ANK3: variants seen among roughly 807,000 people sequenced by gnomAD.
ANK3 encodes the protein ankyrin-3.
In ANK3, 57 loss-of-function variants were observed where a neutral mutation model predicts 370.9. The ratio of observed to expected loss-of-function variants is 0.15; its 90% CI spans 0.12 to 0.19. The LOEUF is 0.19. Among genes scored for constraint, ANK3 ranks in the 10% least tolerant of loss-of-function variants. The probability of loss-of-function intolerance (pLI) is 1.00; values close to 1 mark genes in which losing one functional copy is unlikely to be tolerated. For missense variants in ANK3, 4,439 were observed against 5,302.1 expected, an observed-to-expected ratio of 0.84 and a Z score of 5.06; for synonymous variants, 1,929 against 1,946.3, an observed-to-expected ratio of 0.99 and a Z score of 0.23.
intron 4 of ANK3, among the ~76,000 whole-genome samples, chr10:60,278,129 C>T (rs2098116455): frequency 6.6e-6 from 1 of 152,086 alleles, no homozygotes; most frequent in Non-Finnish European, 1.5e-5. Context: ...ATAGGAGGAC[C>T]TATGTTCATT....
intron 18 of ANK3, among the ~76,000 whole-genome samples, chr10:60,180,153 CT>C (rs763051938): frequency 3.2e-4 from 48 of 152,258 alleles, no homozygotes; most frequent in Non-Finnish European, 6.2e-4. Context: ...TGTCAATACC[CT>C]TTTATCTGGC....
intron 1 of ANK3, among the ~76,000 whole-genome samples, chr10:60,306,125 G>A (rs560620992): frequency 6.6e-6 from 1 of 152,018 alleles, no homozygotes; most frequent in South Asian, 2.1e-4. Context: ...CTATTTAGAG[G>A]TGGTTTCTGA....
At chr10:60,067,067 G>A (rs1000215668) in intron 38 of ANK3, among the ~76,000 whole-genome samples, 1 of 152,064 alleles carries the variant, frequency 6.6e-6, no homozygotes, top group South Asian at 2.1e-4. Flanking sequence ...CGACAGGCAT[G>A]CACCACCACA....
intron 1 of ANK3, among the ~76,000 whole-genome samples, chr10:60,321,685 C>T (rs2048700716): frequency 6.6e-6 from 1 of 152,164 alleles, no homozygotes; most frequent in South Asian, 2.1e-4. Flanking sequence ...TATAACTTTG[C>T]CCATGGTCAC....
intron 1 of ANK3, among the ~76,000 whole-genome samples, chr10:60,322,646 G>T (rs1351049023): frequency 2.0e-5 from 3 of 151,990 alleles, no homozygotes; most frequent in South Asian, 2.1e-4. Flanking sequence ...AGATTTTTTT[G>T]TGTGTTTAAT....
At chr10:60,518,088 G>A (rs1260941815) in intron 2 of ANK3, among the ~76,000 whole-genome samples, 4 of 152,080 alleles carry the variant, frequency 2.6e-5, no homozygotes, top group East Asian at 1.9e-4. Flanking sequence ...GCCAAAATAC[G>A]TTAGCACCAC....
At chr10:60,594,637 A>T (rs541444508) in intron 2 of ANK3, among the ~76,000 whole-genome samples, 44 of 152,270 alleles carry the variant, frequency 2.9e-4, no homozygotes, top group Middle Eastern at 3.4e-3. Flanking sequence ...ATGTGAAAAA[A>T]ATATATATAA....
At chr10:60,524,479 T>A (rs914617145) in intron 2 of ANK3, among the ~76,000 whole-genome samples, 5 of 152,090 alleles carry the variant, frequency 3.3e-5, no homozygotes, top group Non-Finnish European at 7.4e-5. Context: ...TGATAGTGAA[T>A]GAATCTCATG....
chr10:60,462,966 C>T (rs1334127107), intron 2 of ANK3, among the ~76,000 whole-genome samples: 3 of 152,106 alleles, frequency 2.0e-5, no homozygotes, highest in Non-Finnish European at 2.9e-5. Flanking sequence ...TTCAGTGACA[C>T]GATCATGGCT....
chr10:60,655,394 C>T (rs1483827387), intron 1 of ANK3, among the ~76,000 whole-genome samples: 1 of 151,174 alleles, frequency 6.6e-6, no homozygotes, highest in East Asian at 2.0e-4. Flanking sequence ...CCTGTATACA[C>T]CTAGGATAAT....
rs973536975 is a variant in ANK3 at position 60,029,302 on chromosome 10, C to G, written c.*544G>C. 1 of 152,406 alleles carries G rather than the reference C, an allele frequency of 6.6e-6. No homozygotes were observed. Among genetic ancestry groups the G allele is most frequent in the Non-Finnish European group, 1.5e-5 (1 of 68,010 alleles). 9.4% of individuals were successfully genotyped at this position (152,406 alleles called of 1,614,324 possible). A position where few individuals can be genotyped will look rare whatever the true frequency, so the allele number is the denominator to read the frequency against. Reference sequence around the variant, plus strand: ...TCTGTTTGTGTTCTAAGAGGCAGTGCCTTATCAACATTTTATTCTATTTTT... The same window carrying G: ...TCTGTTTGTGTTCTAAGAGGCAGTGGCTTATCAACATTTTATTCTATTTTT... On this transcript the variant is annotated 3_prime_UTR_variant, in exon 44 of 44. Coordinates refer to ENST00000280772, the MANE Select transcript of ANK3 (RefSeq NM_020987.5).
chr10:60,522,497 T>C (rs538704980), intron 2 of ANK3, among the ~76,000 whole-genome samples: 1 of 152,040 alleles, frequency 6.6e-6, no homozygotes, highest in African/African-American at 2.4e-5. Context: ...CTTGTATAAA[T>C]CTTTGACCTT....
Position 60,465,789 on chromosome 10 carries a change from C to CTTT in ANK3, c.96+149394_96+149396dup, listed in dbSNP as rs1205787609. On this transcript the variant is annotated intron_variant, in intron 2 of 43. Transcript: ENST00000373827. ...AGTTTTCTTTTTCTTTTTTTTCTTT[C>CTTT]TTTTTTTTTTTTTTTTTCAAAAAAA... 5.7e-4 allele frequency among the ~76,000 whole-genome samples: 63 copies of CTTT among 109,688 alleles called. No individual in the cohort carries two copies. The East Asian group carries it at 0.012, about 21-fold the overall frequency. The allele number at this position is 109,688 out of a possible 152,430, so 72.0% of individuals were successfully genotyped here.
chr10:60,304,638 G>A (rs2044585485), intron 1 of ANK3, among the ~76,000 whole-genome samples: 1 of 151,948 alleles, frequency 6.6e-6, no homozygotes, highest in Admixed American at 6.5e-5. Flanking sequence ...GTGAGGCTCT[G>A]TCTCGAAAAA....
chr10:60,247,381 C>T lies in ANK3; in HGVS notation c.799-12595G>A, dbSNP rs992708247. The stretch of plus-strand genomic sequence containing the variant: ...TTAATTTAAATTGTGGTAAAATATA[C>T]GTAACATAAAACTTCCATTGTAACC... On this transcript the variant is annotated intron_variant, in intron 7 of 43. Coordinates refer to ENST00000280772, the MANE Select transcript of ANK3 (RefSeq NM_020987.5). Among the ~76,000 whole-genome samples the T allele has an allele frequency of 1.1e-4, 16 of 152,180 alleles. No individual in the cohort carries two copies. In the Middle Eastern group the frequency reaches 0.01, roughly 97 times the overall value.
intron 1 of ANK3, among the ~76,000 whole-genome samples, chr10:60,673,249 G>GGTCCCATTCCTTAATAATTTAA (rs1487457968): frequency 2.6e-5 from 4 of 151,818 alleles, no homozygotes; most frequent in African/African-American, 9.7e-5. Context: ...GAGATTAGAA[G>GGTCCCATTCCTTAATAATTTAA]GTCCCATTCC....
chr10:60,522,656 C>T (rs919740296), intron 2 of ANK3, among the ~76,000 whole-genome samples: 4 of 152,064 alleles, frequency 2.6e-5, no homozygotes, highest in Non-Finnish European at 5.9e-5. Flanking sequence ...ATCCTATCCA[C>T]TGGCTGAATT....
intron 2 of ANK3, among the ~76,000 whole-genome samples, chr10:60,579,114 CAA>C (rs1209318733): frequency 6.6e-6 from 1 of 151,902 alleles, no homozygotes; most frequent in African/African-American, 2.4e-5. Flanking sequence ...ATCATGAAGT[CAA>C]GAGATCGAGA....
intron 1 of ANK3, among the ~76,000 whole-genome samples, chr10:60,694,739 C>T (rs1397101195): frequency 0.018 from 2,672 of 151,582 alleles, 67 homozygotes; most frequent in African/African-American, 0.06. Context: ...AAAGAGCTCC[C>T]GAAGGAAGCG....
Sources: gnomAD v4.1 joint callset for allele counts (sites outside exome capture counted in the v4.1 genomes callset) on GRCh38, gnomAD v4.1.1 for gene constraint, MANE v1.5 for transcripts, NCBI Gene and HGNC (gene_info 2026-07-23, HGNC 2026-07-21) for gene names.